Variants in EIF4EBP2 observed in about 807,000 individuals in gnomAD.
The protein encoded by EIF4EBP2 is eukaryotic translation initiation factor 4E-binding protein 2.
EIF4EBP2 carries 5 observed loss-of-function variants against 10.3 expected under a neutral mutation model. That is an observed-to-expected ratio of 0.48 (90% CI 0.25 to 1.02). The LOEUF (loss-of-function observed/expected upper bound fraction) is 1.02, where lower values mean the gene tolerates loss of function less well. EIF4EBP2 is among the 50% of genes least tolerant of loss of function. The pLI is 0.15. For synonymous variants in EIF4EBP2, 67 were observed against 61.1 expected (o/e 1.10, Z -0.45); for missense variants, 188 against 162.2 (o/e 1.16, Z -0.86).
intron 1 of EIF4EBP2, among the ~76,000 whole-genome samples, chr10:70,417,713 A>G (rs1245811489): frequency 6.6e-6 from 1 of 152,178 alleles, no homozygotes; most frequent in Non-Finnish European, 1.5e-5. Context: ...TCATCTCCAC[A>G]ATTTCCAAGC....
At chr10:70,416,424 CAA>C in intron 1 of EIF4EBP2, among the ~76,000 whole-genome samples, 1 of 151,982 alleles carries the variant, frequency 6.6e-6, no homozygotes, top group East Asian at 2.0e-4. Context: ...ACTAGAAATA[CAA>C]AAATTAGCCG....
intron 1 of EIF4EBP2, among the ~76,000 whole-genome samples, chr10:70,413,943 T>G: frequency 6.6e-6 from 1 of 152,228 alleles, no homozygotes; most frequent in East Asian, 1.9e-4. Context: ...TTAACTTGTT[T>G]CTAGTTACTT....
In EIF4EBP2 at chr10:70,423,019, C is replaced by T. The variant is rs1233839960; in HGVS notation, c.*1272C>T. ...CTTCCTTTCCTTCCTTTTTCTCTAC[C>T]AGGCCATTTTTCAAATTTACATCAA... is the stretch of plus-strand genomic sequence containing the variant. On this transcript the variant is annotated 3_prime_UTR_variant, in exon 3 of 3. Coordinates refer to ENST00000373218, the MANE Select transcript of EIF4EBP2 (RefSeq NM_004096.5). The T allele has an allele frequency of 6.6e-6, 1 of 152,398 alleles. No homozygotes were observed. Among genetic ancestry groups the T allele is most frequent in the African/African-American group, 2.4e-5 (1 of 41,366 alleles). 9.4% of individuals were successfully genotyped at this position (152,398 alleles called of 1,614,324 possible).
rs200096390 is a variant in EIF4EBP2, at chr10:70,420,015, A to T, written c.247A>T (p.Ser83Cys). 1.2e-6 allele frequency: 2 copies of T among 1,613,446 alleles called. No individual in the cohort carries two copies. The highest frequency in any genetic ancestry group is 4.5e-5 in the East Asian group (2 of 44,786). ...CHLPNIPGVT[S>C]PGTLIEDSKV... ...CCTGCCCAATATCCCAGGAGTCACT[A>T]GCCCTGGCACCTTAATTGAAGACTC... is the stretch of plus-strand genomic sequence containing the variant. Residue 83 changes from serine (S) to cysteine (C), a missense_variant, in exon 2 of 3, where the codon AGC (serine) becomes TGC (cysteine). By Grantham distance (112) the Ser-to-Cys change is moderately radical. Coordinates refer to ENST00000373218, the MANE Select transcript of EIF4EBP2 (RefSeq NM_004096.5).
At position 70,422,196 on chromosome 10, in the gene EIF4EBP2, C is replaced by G. The variant is rs1845164503; in HGVS notation, c.*449C>G. ...CATTCATATTCCTTACCCTCTGTCTCTCCTCCCTGTATCCCACCTATGGTT... is the reference window on the plus strand; with the variant it reads ...CATTCATATTCCTTACCCTCTGTCTGTCCTCCCTGTATCCCACCTATGGTT... On this transcript the variant is annotated 3_prime_UTR_variant, in exon 3 of 3. Transcript: ENST00000373218. 1 of 158,338 alleles carries G rather than the reference C, an allele frequency of 6.3e-6. No individual in the cohort carries two copies. Among genetic ancestry groups the G allele is most frequent in the Admixed American group, 6.2e-5 (1 of 16,028 alleles). 9.8% of individuals were successfully genotyped at this position (158,338 alleles called of 1,614,324 possible).
chr10:70,404,557 G>A lies in EIF4EBP2; in HGVS notation c.145+11G>A. On this transcript the variant is annotated intron_variant, in intron 1 of 2. Coordinates refer to ENST00000373218, the MANE Select transcript of EIF4EBP2 (RefSeq NM_004096.5). ...CCACCACACCGGGAGGTGAGCGCCG[G>A]CCAGCCGTCCGCCGCGCCCGGTGTC... The A allele has an allele frequency of 6.5e-7, 1 of 1,544,272 alleles. No homozygotes were observed. Among genetic ancestry groups the A allele is most frequent in the African/African-American group, 1.4e-5 (1 of 69,776 alleles).
intron 1 of EIF4EBP2, among the ~76,000 whole-genome samples, chr10:70,410,240 T>A (rs937410468): frequency 2.0e-5 from 3 of 152,150 alleles, no homozygotes; most frequent in African/African-American, 7.2e-5. Context: ...TGGCTGATTT[T>A]TGTATTTTTA....
At chr10:70,408,958 C>A (rs1357965155) in intron 1 of EIF4EBP2, among the ~76,000 whole-genome samples, 6 of 152,178 alleles carry the variant, frequency 3.9e-5, no homozygotes, top group African/African-American at 1.2e-4. Flanking sequence ...TTCTAGAAAT[C>A]TTCTGGAGGG....
Position 70,421,716 on chromosome 10 carries a change from G to T in EIF4EBP2, c.332G>T (p.Gly111Val). ...LNNHDRKHAVGDDAQFEMDI is the reference protein window; with the variant it reads ...LNNHDRKHAVVDDAQFEMDI The stretch of plus-strand genomic sequence containing the variant: ...TCTTCATTTTATTGGTCCTAACTAG[G>T]GGATGATGCTCAGTTCGAGATGGAC... The change falls in exon 3 of 3, where the codon GGG becomes GTG. Residue 111 changes from glycine (G) to valine (V), a missense_variant and splice_region_variant. By Grantham distance (109) the Gly-to-Val change is moderately radical. Coordinates refer to ENST00000373218, the MANE Select transcript of EIF4EBP2 (RefSeq NM_004096.5). 1 of 1,613,424 alleles carries T rather than the reference G, an allele frequency of 6.2e-7. No homozygotes were observed. The highest frequency in any genetic ancestry group is 8.5e-7 in the Non-Finnish European group (1 of 1,179,550).
In EIF4EBP2 at chr10:70,404,614, G is replaced by T. The variant is rs965780176; in HGVS notation, c.145+68G>T. On this transcript the variant is annotated intron_variant, in intron 1 of 2. Transcript: ENST00000373218. Reference sequence around the variant, plus strand: ...CGGTCCTCTAACTCCTCGGCGCCTCGGTGCCCGGCCGCTTCGCCCCCGCCC... The same window carrying T: ...CGGTCCTCTAACTCCTCGGCGCCTCTGTGCCCGGCCGCTTCGCCCCCGCCC... 3.5e-6 allele frequency: 5 copies of T among 1,426,954 alleles called. No individual in the cohort carries two copies. The African/African-American group carries it at 7.5e-5, about 21-fold the overall frequency. 88.4% of individuals were successfully genotyped at this position (1,426,954 alleles called of 1,614,324 possible).
Position 70,425,502 on chromosome 10 carries a change from A to G in EIF4EBP2, c.*3755A>G, listed in dbSNP as rs1309068532. ...TAGATAAGCTGAAAGATAGATTGCT[A>G]TCAAAAACAGTTCTCCAAGATGTGC... On this transcript the variant is annotated 3_prime_UTR_variant, in exon 3 of 3. Transcript: ENST00000373218. The G allele has an allele frequency of 6.6e-6, 1 of 152,244 alleles. No homozygotes were observed. The highest frequency in any genetic ancestry group is 2.4e-5 in the African/African-American group (1 of 41,466). 9.4% of individuals were successfully genotyped at this position (152,244 alleles called of 1,614,324 possible).
chr10:70,421,470 A>G (rs1845156605), intron 2 of EIF4EBP2, among the ~76,000 whole-genome samples: 1 of 152,188 alleles, frequency 6.6e-6, no homozygotes, highest in African/African-American at 2.4e-5. Flanking sequence ...CCTGAAGACA[A>G]AGGGACAATG....
At chr10:70,406,885 A>G (rs1844969073) in intron 1 of EIF4EBP2, among the ~76,000 whole-genome samples, 1 of 151,752 alleles carries the variant, frequency 6.6e-6, no homozygotes, top group South Asian at 2.1e-4. Context: ...TAATCTTTGG[A>G]TTTATTTGTT....
At chr10:70,420,605 A>G (rs1845145404) in intron 2 of EIF4EBP2, among the ~76,000 whole-genome samples, 2 of 152,202 alleles carry the variant, frequency 1.3e-5, no homozygotes, top group Non-Finnish European at 2.9e-5. Flanking sequence ...CTAAATCATA[A>G]ATCTGATGTA....
chr10:70,420,299 A>G (rs1845140731), intron 2 of EIF4EBP2, among the ~76,000 whole-genome samples, 200 bp downstream of exon 2: 2 of 152,166 alleles, frequency 1.3e-5, no homozygotes, highest in East Asian at 1.9e-4. Context: ...TCCTGGGTTC[A>G]AGCGTTTCTC....
intron 1 of EIF4EBP2, among the ~76,000 whole-genome samples, chr10:70,416,665 A>AT (rs55809354): frequency 1.2e-3 from 121 of 101,310 alleles, no homozygotes; most frequent in African/African-American, 3.9e-3. Context: ...TAATTTTTTA[A>AT]TTTTTTTTTT....
At chr10:70,414,580 G>GT (rs980340612) in intron 1 of EIF4EBP2, among the ~76,000 whole-genome samples, 10 of 152,134 alleles carry the variant, frequency 6.6e-5, no homozygotes, top group African/African-American at 1.9e-4. Context: ...AGAAAAACCT[G>GT]TTTTTGGCCC....
chr10:70,421,665 T>TA (rs1845158442), intron 2 of EIF4EBP2, 51 bp from the exon 3 acceptor site: 1 of 1,540,916 alleles, frequency 6.5e-7, no homozygotes, highest in African/African-American at 1.4e-5. Context: ...TTAAAACTGT[T>TA]ATGCTTCTTT....
At position 70,426,139 on chromosome 10, in the gene EIF4EBP2, C is replaced by G. The variant is rs1367708318; in HGVS notation, c.*4392C>G. On this transcript the variant is annotated 3_prime_UTR_variant, in exon 3 of 3. Coordinates refer to ENST00000373218, the MANE Select transcript of EIF4EBP2 (RefSeq NM_004096.5). ...TGTGTTCATGCTAAAGACAAACTTA[C>G]ATGAAGTTTTTCAGTTTAAGACATT... 6.6e-6 allele frequency: 1 copy of G among 152,228 alleles called. No individual in the cohort carries two copies. Among genetic ancestry groups the G allele is most frequent in the African/African-American group, 2.4e-5 (1 of 41,466 alleles). The allele number at this position is 152,228 out of a possible 1,614,324, so 9.4% of individuals were successfully genotyped here.
Sources: gnomAD v4.1 joint callset for allele counts (sites outside exome capture counted in the v4.1 genomes callset) on GRCh38, gnomAD v4.1.1 for gene constraint, MANE v1.5 for transcripts, NCBI Gene and HGNC (gene_info 2026-07-23, HGNC 2026-07-21) for gene names.